Variants in SUGCT observed in about 807,000 individuals in gnomAD.
SUGCT encodes succinyl-CoA:glutarate-CoA transferase.
In SUGCT, 41 loss-of-function variants were observed where a neutral mutation model predicts 55.0. That is an observed-to-expected ratio of 0.74 (90% CI 0.58 to 0.97). SUGCT has a LOEUF of 0.97. SUGCT is among the 50% of genes least tolerant of loss of function. The probability of loss-of-function intolerance (pLI) is 0.00; values close to 1 mark genes in which losing one functional copy is unlikely to be tolerated. For synonymous variants in SUGCT, 187 were observed against 200.4 expected, an observed-to-expected ratio of 0.93 and a Z score of 0.56; for missense variants, 568 against 547.8, an observed-to-expected ratio of 1.04 and a Z score of -0.37.
intron 3 of SUGCT, among the ~76,000 whole-genome samples, chr7:40,187,007 T>G (rs1785554227): frequency 6.6e-6 from 1 of 152,176 alleles, no homozygotes; most frequent in South Asian, 2.1e-4. Flanking sequence ...GCGGCACTGT[T>G]CACAATAGCA....
At chr7:40,960,912 A>C in the SUGCT span, among the ~76,000 whole-genome samples, 1 of 152,288 alleles carries the variant, frequency 6.6e-6, no homozygotes, top group South Asian at 2.1e-4. Flanking sequence ...CACTTATATC[A>C]CTGGTCCTGT....
chr7:40,634,609 A>G (rs1289008036), intron 12 of SUGCT, among the ~76,000 whole-genome samples: 2 of 152,226 alleles, frequency 1.3e-5, no homozygotes, highest in Non-Finnish European at 2.9e-5. Flanking sequence ...AAAACAATGA[A>G]GCAAAACAAA....
chr7:40,686,513 G>C (rs188103787), intron 12 of SUGCT, among the ~76,000 whole-genome samples: 1 of 152,176 alleles, frequency 6.6e-6, no homozygotes, highest in Admixed American at 6.5e-5. Flanking sequence ...ATTTCAGAGC[G>C]TGGCATTGAT....
At position 40,249,331 on chromosome 7, in the gene SUGCT, A is replaced by ATATATATC. The variant is rs1562612131; in HGVS notation, c.576+11612_576+11613insCTATATAT. Among the ~76,000 whole-genome samples, 23 of 115,944 alleles carry ATATATATC rather than the reference A, an allele frequency of 2.0e-4. 1 individual carries two copies. The highest frequency in any genetic ancestry group is 3.8e-4 in the Non-Finnish European group (21 of 55,278). The allele number at this position is 115,944 out of a possible 152,430, so 76.1% of individuals were successfully genotyped here. ...CAAAAAGCTATATATATATATATAT[A>ATATATATC]TATATATATATATATAATTATATTA... is the stretch of plus-strand genomic sequence containing the variant. On this transcript the variant is annotated intron_variant, in intron 7 of 13. Coordinates refer to ENST00000335693, the MANE Select transcript of SUGCT (RefSeq NM_001193313.2).
chr7:41,019,169 G>A, the SUGCT span, among the ~76,000 whole-genome samples: 11 of 152,094 alleles, frequency 7.2e-5, no homozygotes, highest in African/African-American at 2.4e-4. Context: ...GCCTCCCAAA[G>A]TGCTGGGATT....
intron 13 of SUGCT, among the ~76,000 whole-genome samples, chr7:40,812,316 A>G (rs530383792): frequency 5.1e-4 from 78 of 152,038 alleles, no homozygotes; most frequent in Non-Finnish European, 1.0e-3. Context: ...TTCTTTGTAC[A>G]TCAGGTAGAA....
chr7:40,507,152 A>C (rs1362835658), intron 12 of SUGCT, among the ~76,000 whole-genome samples: 2 of 152,078 alleles, frequency 1.3e-5, no homozygotes, highest in Admixed American at 1.3e-4. Flanking sequence ...TTAACTGAAC[A>C]CTTTAGATCT....
chr7:40,480,682 A>G (rs1790981042), intron 11 of SUGCT, among the ~76,000 whole-genome samples: 1 of 152,076 alleles, frequency 6.6e-6, no homozygotes, highest in Non-Finnish European at 1.5e-5. Flanking sequence ...TTAATATTCT[A>G]CATTAATGTT....
At chr7:40,891,071 C>T in the SUGCT span, among the ~76,000 whole-genome samples, 1 of 151,700 alleles carries the variant, frequency 6.6e-6, no homozygotes, top group Non-Finnish European at 1.5e-5. Flanking sequence ...CAAAAGGGAG[C>T]ATTAGCAAGC....
intron 12 of SUGCT, among the ~76,000 whole-genome samples, chr7:40,736,601 G>A (rs1313922465): frequency 6.6e-6 from 1 of 151,882 alleles, no homozygotes; most frequent in African/African-American, 2.4e-5. Flanking sequence ...AAAAAATACA[G>A]ATTACCTACA....
chr7:40,860,207 C>G, intron 13 of SUGCT, 109 bp from the exon 14 acceptor site: 1 of 1,280,122 alleles, frequency 7.8e-7, no homozygotes, highest in South Asian at 1.3e-5. Context: ...GTGTAACTGG[C>G]ACTCATTGAT....
chr7:40,406,577 C>T (rs1035794990), intron 9 of SUGCT, among the ~76,000 whole-genome samples: 6 of 152,172 alleles, frequency 3.9e-5, no homozygotes, highest in African/African-American at 1.2e-4. Context: ...TCAGAGTTTT[C>T]TCACTGTCAT....
At chr7:40,322,692 G>C (rs1795817690) in intron 9 of SUGCT, among the ~76,000 whole-genome samples, 1 of 152,166 alleles carries the variant, frequency 6.6e-6, no homozygotes, top group African/African-American at 2.4e-5. Context: ...AGTCATGGTG[G>C]CTCACGCCTG....
intron 13 of SUGCT, among the ~76,000 whole-genome samples, chr7:40,827,883 T>A (rs1014423801): frequency 6.6e-6 from 1 of 150,966 alleles, no homozygotes; most frequent in Non-Finnish European, 1.5e-5. Flanking sequence ...CTTGGTGGGG[T>A]TGCTTTGATA....
At chr7:40,813,912 A>G (rs151092221) in intron 13 of SUGCT, among the ~76,000 whole-genome samples, 81 of 152,276 alleles carry the variant, frequency 5.3e-4, no homozygotes, top group African/African-American at 1.9e-3. Flanking sequence ...AGACTTGTCT[A>G]GTGGTAATGA....
At chr7:40,328,697 A>G (rs4143205) in intron 9 of SUGCT, among the ~76,000 whole-genome samples, 85,733 of 151,928 alleles carry the variant, frequency 0.56, 24,285 homozygotes, top group South Asian at 0.65. Context: ...ATTGAACAAG[A>G]AAGTGGGTTT....
At chr7:40,747,118 C>G (rs751446583) in intron 12 of SUGCT, among the ~76,000 whole-genome samples, 1 of 152,194 alleles carries the variant, frequency 6.6e-6, no homozygotes, top group Non-Finnish European at 1.5e-5. Flanking sequence ...AATTCTAACA[C>G]TGGCGAGAAT....
chr7:40,910,458 AT>A, the SUGCT span, among the ~76,000 whole-genome samples: 2 of 152,138 alleles, frequency 1.3e-5, no homozygotes, highest in African/African-American at 4.8e-5. Flanking sequence ...AATATGGAAC[AT>A]TTTTATAATG....
At chr7:40,924,246 G>C in the SUGCT span, among the ~76,000 whole-genome samples, 8 of 142,984 alleles carry the variant, frequency 5.6e-5, no homozygotes, top group Non-Finnish European at 1.1e-4. Flanking sequence ...CAGCCAAGGT[G>C]GCCTGGATCT....
Sources: gnomAD v4.1 joint callset for allele counts (sites outside exome capture counted in the v4.1 genomes callset) on GRCh38, gnomAD v4.1.1 for gene constraint, MANE v1.5 for transcripts, NCBI Gene and HGNC (gene_info 2026-07-23, HGNC 2026-07-21) for gene names.